PXMP2: variants seen among roughly 807,000 people sequenced by gnomAD.
The protein encoded by PXMP2 is 22 kDa peroxisomal membrane protein.
In PXMP2, 13 loss-of-function variants were observed where a neutral mutation model predicts 20.2. That is an observed-to-expected ratio of 0.64 (90% CI 0.42 to 1.02). The LOEUF is 1.02. PXMP2 is among the 50% of genes least tolerant of loss of function. The pLI is 0.00. For missense variants in PXMP2, 284 were observed against 251.8 expected (o/e 1.13, Z -0.87); for synonymous variants, 113 against 111.2 (o/e 1.02, Z -0.10).
At chr12:132,690,552 C>T (rs1190680254) in intron 2 of PXMP2, among the ~76,000 whole-genome samples, 176 bp downstream of exon 2, 6 of 148,274 alleles carry the variant, frequency 4.0e-5, no homozygotes, top group East Asian at 2.0e-4. Context: ...GGCATATATA[C>T]GCATACGTGG....
At chr12:132,687,956 C>T (rs2043319081) in intron 1 of PXMP2, 164 bp downstream of exon 1, 3 of 641,738 alleles carry the variant, frequency 4.7e-6, no homozygotes, top group Non-Finnish European at 6.1e-6. Context: ...CCCGCGGCGA[C>T]ACCCGCGTCC....
At chr12:132,698,531 ATTT>A (rs2043422353) in intron 3 of PXMP2, among the ~76,000 whole-genome samples, 1 of 151,992 alleles carries the variant, frequency 6.6e-6, no homozygotes, top group Non-Finnish European at 1.5e-5. Context: ...TACATAGCAA[ATTT>A]TCTCATTACC....
chr12:132,704,537 CAAAT>C, intron 4 of PXMP2, 78 bp from the exon 5 acceptor site: 5 of 1,159,518 alleles, frequency 4.3e-6, no homozygotes, highest in Non-Finnish European at 1.2e-6. Flanking sequence ...AACGGGTAAA[CAAAT>C]GAACTGGGTG....
At chr12:132,692,593 T>TGCCAGTTAGTTAGTGAGCGCCCTTA (rs2043376864) in intron 2 of PXMP2, among the ~76,000 whole-genome samples, 1 of 103,574 alleles carries the variant, frequency 9.7e-6, no homozygotes, top group Non-Finnish European at 2.2e-5. Flanking sequence ...TGAGCGCCCT[T>TGCCAGTTAGTTAGTGAGCGCCCTTA]GCCAGTTAGT....
chr12:132,692,773 AGAGCTCCCTTGCCAGTTAGTTAGT>A (rs2043379341), intron 2 of PXMP2, among the ~76,000 whole-genome samples: 1 of 74,852 alleles, frequency 1.3e-5, no homozygotes, highest in Non-Finnish European at 2.7e-5. Flanking sequence ...AGCTAGTTAG[AGAGCTCCCTTGCCAGTTAGTTAGT>A]GAGCTCCCTT....
At position 132,699,381 on chromosome 12, in the gene PXMP2, A is replaced by G. The variant is rs147031750; in HGVS notation, c.400-1869A>G. Among the ~76,000 whole-genome samples the G allele has an allele frequency of 1.8e-3, 275 of 152,276 alleles. 2 individuals are homozygous for G. The highest frequency in any genetic ancestry group is 6.4e-3 in the African/African-American group (265 of 41,552). Reference sequence around the variant, plus strand: ...AGCCGACATCACGCCACTGCACTCCAGCCAGCATGGGCAACAGAGTGAGAT... The same window carrying G: ...AGCCGACATCACGCCACTGCACTCCGGCCAGCATGGGCAACAGAGTGAGAT... On this transcript the variant is annotated intron_variant, in intron 3 of 4. Transcript: ENST00000317479.
chr12:132,698,783 C>T lies in PXMP2; in HGVS notation c.400-2467C>T, dbSNP rs191123004. Among the ~76,000 whole-genome samples, 275 of 152,170 alleles carry T rather than the reference C, an allele frequency of 1.8e-3. 2 individuals carry two copies. The highest frequency in any genetic ancestry group is 2.3e-3 in the African/African-American group (94 of 41,506). ...CTGGGACAACAGGCGCCCACCACCACGCCTGGCTAATTTTTGTATTTTTAG... is the reference window on the plus strand; with the variant it reads ...CTGGGACAACAGGCGCCCACCACCATGCCTGGCTAATTTTTGTATTTTTAG... On this transcript the variant is annotated intron_variant, in intron 3 of 4. Coordinates refer to ENST00000317479, the MANE Select transcript of PXMP2 (RefSeq NM_018663.3).
At chr12:132,699,526 C>CTTTTTTTTTTTTTTTTTTTTTTTTTTT (rs67730658) in intron 3 of PXMP2, among the ~76,000 whole-genome samples, 1 of 100,522 alleles carries the variant, frequency 9.9e-6, no homozygotes, top group African/African-American at 3.9e-5. Flanking sequence ...AAAAGACATG[C>CTTTTTTTTTTTTTTTTTTTTTTTTTTT]TTTTTTTTTT....
chr12:132,696,626 C>T lies in PXMP2; in HGVS notation c.399+580C>T, dbSNP rs1054037278. ...CAGCCTGGCCAACATGGTGAAACCTCGTCTCTACTAAAAATACAAAAAATT... is the reference window on the plus strand; with the variant it reads ...CAGCCTGGCCAACATGGTGAAACCTTGTCTCTACTAAAAATACAAAAAATT... On this transcript the variant is annotated intron_variant, in intron 3 of 4. Coordinates refer to ENST00000317479, the MANE Select transcript of PXMP2 (RefSeq NM_018663.3). The surrounding 1 kb of genome is among the most constrained non-coding windows in gnomAD (Gnocchi z 4.4). Among the ~76,000 whole-genome samples, 5 of 151,804 alleles carry T rather than the reference C, an allele frequency of 3.3e-5. No individual in the cohort carries two copies. The highest frequency in any genetic ancestry group is 9.7e-5 in the African/African-American group (4 of 41,320).
chr12:132,692,830 C>T (rs2043379799), intron 2 of PXMP2, among the ~76,000 whole-genome samples: 1 of 95,414 alleles, frequency 1.0e-5, no homozygotes, highest in Admixed American at 9.7e-5. Flanking sequence ...AGTGAGCTCC[C>T]TTAGCCAGTT....
At position 132,696,129 on chromosome 12, in the gene PXMP2, G is replaced by T; in HGVS notation, c.399+83G>T. 1 of 1,406,778 alleles carries T rather than the reference G, an allele frequency of 7.1e-7. No individual in the cohort carries two copies. The highest frequency in any genetic ancestry group is 2.6e-5 in the Admixed American group (1 of 38,916). The allele number at this position is 1,406,778 out of a possible 1,614,324, so 87.1% of individuals were successfully genotyped here. A position where few individuals can be genotyped will look rare whatever the true frequency, so the allele number is the denominator to read the frequency against. On this transcript the variant is annotated intron_variant, in intron 3 of 4. Transcript: ENST00000317479. The surrounding 1 kb of genome is among the most constrained non-coding windows in gnomAD (Gnocchi z 4.4). ...CTGACATTCTCGGCAGAATTCAGAG[G>T]GTCTGCAGATTTTTCACTCAAATTG... is the stretch of plus-strand genomic sequence containing the variant.
chr12:132,695,329 G>A (rs1040085899), intron 2 of PXMP2, among the ~76,000 whole-genome samples: 16 of 151,762 alleles, frequency 1.1e-4, no homozygotes, highest in Admixed American at 5.9e-4. Context: ...GAGTGCCCTT[G>A]CCAGTTAACC....
intron 4 of PXMP2, 120 bp downstream of exon 4, chr12:132,701,489 G>T (rs4883610): frequency 0.66 from 893,867 of 1,345,390 alleles, 299,301 homozygotes; most frequent in African/African-American, 0.89. Context: ...TTCTTTCTTT[G>T]GTAGTTTTCC....
At position 132,687,662 on chromosome 12, in the gene PXMP2, G is replaced by T; in HGVS notation, c.-9G>T. ...TCGGTGCCCCCGGCGGCACGGCGCT[G>T]GGGAGGCGATGGCGCCGGCCGCGTC... is the stretch of plus-strand genomic sequence containing the variant. On this transcript the variant is annotated 5_prime_UTR_variant, in exon 1 of 5. Coordinates refer to ENST00000317479, the MANE Select transcript of PXMP2 (RefSeq NM_018663.3). The T allele has an allele frequency of 8.6e-7, 1 of 1,168,858 alleles. No homozygotes were observed. The highest frequency in any genetic ancestry group is 1.1e-6 in the Non-Finnish European group (1 of 951,490). 72.4% of individuals were successfully genotyped at this position (1,168,858 alleles called of 1,614,324 possible).
At position 132,704,603 on chromosome 12, in the gene PXMP2, C is replaced by G. The variant is rs2043459949; in HGVS notation, c.520-16C>G. On this transcript the variant is annotated splice_polypyrimidine_tract_variant and intron_variant, in intron 4 of 4. Transcript: ENST00000317479. ...CTCCCGCTGACCGTGGCCTGTTGGACTGTTCTTTTCGGCAGTTCCGGGTGC... is the reference window on the plus strand; with the variant it reads ...CTCCCGCTGACCGTGGCCTGTTGGAGTGTTCTTTTCGGCAGTTCCGGGTGC... The G allele has an allele frequency of 7.0e-7, 1 of 1,430,060 alleles. No individual in the cohort carries two copies. 88.6% of individuals were successfully genotyped at this position (1,430,060 alleles called of 1,614,324 possible). A position where few individuals can be genotyped will look rare whatever the true frequency, so the allele number is the denominator to read the frequency against.
intron 3 of PXMP2, among the ~76,000 whole-genome samples, chr12:132,698,237 C>G (rs1322757703): frequency 2.0e-5 from 3 of 152,104 alleles, no homozygotes; most frequent in African/African-American, 7.2e-5. Context: ...GTATTGAACT[C>G]CTGACCTCGT....
chr12:132,701,224 C>T (rs1313772404), intron 3 of PXMP2, 26 bp from the exon 4 acceptor site: 5 of 1,613,194 alleles, frequency 3.1e-6, no homozygotes, highest in Admixed American at 1.7e-5. Flanking sequence ...TGAGACTGTT[C>T]ACCACCCGCC....
At chr12:132,701,813 GTCACAGTAGC>G (rs1555232699) in intron 4 of PXMP2, 5 of 202,950 alleles carry the variant, frequency 2.5e-5, no homozygotes, top group Non-Finnish European at 5.0e-5. Context: ...AAAGAAGGCC[GTCACAGTAGC>G]TCACACCTGT....
At chr12:132,687,856 C>T (rs1293492347) in intron 1 of PXMP2, 64 bp downstream of exon 1, 1 of 1,104,586 alleles carries the variant, frequency 9.1e-7, no homozygotes, top group African/African-American at 1.7e-5. Flanking sequence ...GGCGCGGGGC[C>T]TGGACGGGAG....
Sources: allele counts gnomAD v4.1 joint callset (sites outside exome capture counted in the v4.1 genomes callset), GRCh38; gene constraint gnomAD v4.1.1; non-coding constraint Gnocchi (gnomAD v3.1); transcripts MANE v1.5; gene names NCBI Gene and HGNC (gene_info 2026-07-23, HGNC 2026-07-21).